ERBIN: variants seen among roughly 807,000 people sequenced by gnomAD.
ERBIN encodes the protein densin-180-like protein.
ERBIN carries 60 observed loss-of-function variants against 158.4 expected under a neutral mutation model. That is an observed-to-expected ratio of 0.38 (90% confidence interval 0.31 to 0.47). The LOEUF (loss-of-function observed/expected upper bound fraction) is 0.47, where lower values mean the gene tolerates loss of function less well. ERBIN is among the 20% of genes least tolerant of loss of function. ERBIN has a pLI of 0.99. For missense variants in ERBIN, 1,610 were observed against 1,648.0 expected (o/e 0.98, Z 0.40); for synonymous variants, 594 against 557.2 (o/e 1.07, Z -0.93).
intron 4 of ERBIN, among the ~76,000 whole-genome samples, chr5:65,998,206 C>G (rs779471012): frequency 6.7e-6 from 1 of 148,842 alleles, no homozygotes; most frequent in Non-Finnish European, 1.5e-5. Flanking sequence ...CTAGCTTGGG[C>G]GACACAGCAA....
In ERBIN at chr5:65,998,844, G is replaced by A. The variant is rs1053958843; in HGVS notation, c.307+3980G>A. Among the ~76,000 whole-genome samples, 4 of 145,270 alleles carry A rather than the reference G, an allele frequency of 2.8e-5. No individual in the cohort carries two copies. In the South Asian group the frequency reaches 6.4e-4, roughly 23 times the overall value. ...TGGGAAGTCAAGGCTGCGGTAAGCC[G>A]TGATCATGCCATGGCACTCCAGCCT... On this transcript the variant is annotated intron_variant, in intron 4 of 25. Transcript: ENST00000284037.
rs571514170 is a variant in ERBIN at position 65,973,029 on chromosome 5, C to T, written c.-57-15606C>T. On this transcript the variant is annotated intron_variant, in intron 1 of 25. Coordinates refer to ENST00000284037, the MANE Select transcript of ERBIN (RefSeq NM_001253697.2). ...AGAATAAACTTATAAAGAAATTCAC[C>T]TTAAGAAATTAGGGCCTTGTCACAT... Among the ~76,000 whole-genome samples, 7 of 151,352 alleles carry T rather than the reference C, an allele frequency of 4.6e-5. No homozygotes were observed. The South Asian group carries it at 1.4e-3, about 31-fold the overall frequency.
chr5:65,938,835 G>GC (rs1461249560), intron 1 of ERBIN, among the ~76,000 whole-genome samples: 1 of 152,066 alleles, frequency 6.6e-6, no homozygotes, highest in Non-Finnish European at 1.5e-5. Flanking sequence ...ACAGCTGTGA[G>GC]CCACCGCGCC....
chr5:65,973,857 A>G (rs909211098), intron 1 of ERBIN, among the ~76,000 whole-genome samples: 1 of 151,360 alleles, frequency 6.6e-6, no homozygotes, highest in African/African-American at 2.5e-5. Flanking sequence ...GGAGATAGTA[A>G]AATAAATGAT....
chr5:66,067,104 T>A (rs181920883), intron 21 of ERBIN, among the ~76,000 whole-genome samples: 96 of 152,336 alleles, frequency 6.3e-4, no homozygotes, highest in African/African-American at 2.1e-3. Context: ...TGTTTTTTTT[T>A]ATTCCAGTCA....
At chr5:66,065,122 A>G (rs1215878221) in intron 21 of ERBIN, among the ~76,000 whole-genome samples, 2 of 152,240 alleles carry the variant, frequency 1.3e-5, no homozygotes, top group South Asian at 2.1e-4. Context: ...ATTTGATGTG[A>G]TGACTGTGTG....
intron 1 of ERBIN, among the ~76,000 whole-genome samples, chr5:65,957,364 G>A (rs1747285374): frequency 6.6e-6 from 1 of 152,040 alleles, no homozygotes; most frequent in Admixed American, 6.6e-5. Flanking sequence ...AGGACCCTGG[G>A]GCCTTCCGCA....
intron 4 of ERBIN, among the ~76,000 whole-genome samples, chr5:66,002,443 T>C (rs1287356334): frequency 6.6e-6 from 1 of 152,090 alleles, no homozygotes; most frequent in East Asian, 1.9e-4. Context: ...GTCAAAGTGG[T>C]TGATGGGGAA....
intron 18 of ERBIN, among the ~76,000 whole-genome samples, chr5:66,047,470 T>C (rs921748377): frequency 6.6e-6 from 1 of 152,200 alleles, no homozygotes; most frequent in African/African-American, 2.4e-5. Flanking sequence ...TATATTTTCA[T>C]GAATGAAAAA....
In ERBIN at chr5:65,933,957, G is replaced by A. The variant is rs182142178; in HGVS notation, c.-58+7151G>A. Among the ~76,000 whole-genome samples, 71 of 152,050 alleles carry A rather than the reference G, an allele frequency of 4.7e-4. 1 individual carries two copies. The East Asian group carries it at 9.7e-3, about 21-fold the overall frequency. ...GTCGCCCAGGCTGGAGTGCAGTGGC[G>A]TGATCTTGGCTCACTGCAAGCTCCA... On this transcript the variant is annotated intron_variant, in intron 1 of 25. Transcript: ENST00000284037.
chr5:65,969,024 C>T (rs902354827), intron 1 of ERBIN, among the ~76,000 whole-genome samples: 1 of 152,096 alleles, frequency 6.6e-6, no homozygotes, highest in Non-Finnish European at 1.5e-5. Context: ...TAATGCAATA[C>T]CGCGTTTAAG....
At chr5:66,077,054 G>A in intron 25 of ERBIN, 105 bp downstream of exon 25, 1 of 832,574 alleles carries the variant, frequency 1.2e-6, no homozygotes, top group Non-Finnish European at 1.9e-6. Flanking sequence ...GGGAGGCTGA[G>A]GCAGGAGAAT....
At chr5:66,042,062 C>T (rs1255538166) in intron 15 of ERBIN, among the ~76,000 whole-genome samples, 2 of 151,858 alleles carry the variant, frequency 1.3e-5, no homozygotes, top group Non-Finnish European at 2.9e-5. Flanking sequence ...AAGCAAGCCC[C>T]AAATAAGGGC....
intron 1 of ERBIN, among the ~76,000 whole-genome samples, chr5:65,940,481 C>CCCG (rs1554044179): frequency 7.8e-6 from 1 of 128,252 alleles, no homozygotes; most frequent in Admixed American, 7.1e-5. Flanking sequence ...GTCAGTCCCC[C>CCCG]CCCCCCCGGC....
chr5:66,026,784 C>T (rs371968059), intron 13 of ERBIN, among the ~76,000 whole-genome samples: 20 of 151,974 alleles, frequency 1.3e-4, no homozygotes, highest in Non-Finnish European at 2.7e-4. Context: ...ATTTATCATA[C>T]GGTGGTTGTT....
chr5:66,069,576 A>G (rs1281383747), intron 21 of ERBIN, among the ~76,000 whole-genome samples: 1 of 152,244 alleles, frequency 6.6e-6, no homozygotes, highest in Non-Finnish European at 1.5e-5. Flanking sequence ...GTAGTGAAGA[A>G]GAAAGGTTTA....
chr5:65,942,627 T>A (rs956471635), intron 1 of ERBIN, among the ~76,000 whole-genome samples: 1 of 152,162 alleles, frequency 6.6e-6, no homozygotes, highest in African/African-American at 2.4e-5. Context: ...TCTCAAGTTT[T>A]AAAAAATAGA....
chr5:66,023,850 T>C (rs1246307900), intron 9 of ERBIN, among the ~76,000 whole-genome samples: 1 of 151,996 alleles, frequency 6.6e-6, no homozygotes, highest in East Asian at 1.9e-4. Context: ...TAATTTTTTT[T>C]TATTTTTTAG....
intron 1 of ERBIN, among the ~76,000 whole-genome samples, chr5:65,971,391 G>A (rs1446720771): frequency 6.6e-6 from 1 of 151,994 alleles, no homozygotes; most frequent in East Asian, 1.9e-4. Flanking sequence ...AGAGTGATTT[G>A]CAAAATAATG....
Sources: allele counts gnomAD v4.1 joint callset (sites outside exome capture counted in the v4.1 genomes callset), GRCh38; gene constraint gnomAD v4.1.1; transcripts MANE v1.5; gene names NCBI Gene and HGNC (gene_info 2026-07-23, HGNC 2026-07-21).